SLF2: variants seen among roughly 807,000 people sequenced by gnomAD.
SLF2 encodes SMC5-SMC6 complex localization factor protein 2.
A neutral mutation model predicts 124.3 loss-of-function variants in SLF2; 68 were observed. The observed-to-expected ratio is 0.55, with a 90% CI of 0.45 to 0.67. SLF2 has a LOEUF of 0.67. Ranked by LOEUF, SLF2 falls within the 30% of genes least tolerant of loss-of-function variation. The probability of loss-of-function intolerance (pLI) is 0.00; values close to 1 mark genes in which losing one functional copy is unlikely to be tolerated. For missense variants in SLF2, 1,246 were observed against 1,373.7 expected (o/e 0.91, Z 1.47); for synonymous variants, 480 against 478.8 (o/e 1.00, Z -0.03).
intron 6 of SLF2, 119 bp downstream of exon 6, chr10:100,926,138 G>T (rs764970664): frequency 1.9e-6 from 3 of 1,572,296 alleles, no homozygotes; most frequent in Non-Finnish European, 2.6e-6. Flanking sequence ...GGACTCTGTT[G>T]TCAACTGTGT....
intron 19 of SLF2, among the ~76,000 whole-genome samples, chr10:100,959,808 A>G (rs1850396437): frequency 1.3e-5 from 2 of 152,186 alleles, no homozygotes; most frequent in African/African-American, 2.4e-5. Flanking sequence ...GATTTTACCC[A>G]CTTAACGTGT....
chr10:100,946,970 G>C (rs1850116266), intron 13 of SLF2, 69 bp from the exon 14 acceptor site: 3 of 1,200,458 alleles, frequency 2.5e-6, no homozygotes, highest in Non-Finnish European at 3.7e-6. Context: ...AAGGGTTGTA[G>C]ATGATCTGTT....
At position 100,917,026 on chromosome 10, in the gene SLF2, G is replaced by A. The variant is rs139059266; in HGVS notation, c.641G>A (p.Arg214Lys). ...GCTGACATCTTCAATAACAGCTCCA[G>A]AAGCCTTAGCAGCAGGAGCAGCCTG... The part of the protein sequence containing the change: ...AEADIFNNSS[R>K]SLSSRSSLSR... Residue 214 changes from arginine (R) to lysine (K), a missense_variant, in exon 3 of 20, where the codon AGA becomes AAA. Around this residue, in one of 3 missense-constraint regions of SLF2, gnomAD observed 698 missense variants for 708.9 expected, o/e 0.98. Coordinates refer to ENST00000238961, the MANE Select transcript of SLF2 (RefSeq NM_018121.4). 7.2e-4 allele frequency: 1,160 copies of A among 1,614,064 alleles called. 1 individual carries two copies. Among genetic ancestry groups the A allele is most frequent in the Non-Finnish European group, 9.3e-4 (1,093 of 1,180,050 alleles).
chr10:100,948,480 T>C (rs967610813), intron 15 of SLF2, among the ~76,000 whole-genome samples: 1 of 152,004 alleles, frequency 6.6e-6, no homozygotes, highest in African/African-American at 2.4e-5. Flanking sequence ...TATATATGAA[T>C]GTTTTTAATT....
At position 100,961,992 on chromosome 10, in the gene SLF2, A is replaced by G; in HGVS notation, c.*80A>G. 1.5e-6 allele frequency: 2 copies of G among 1,300,408 alleles called. No homozygotes were observed. The highest frequency in any genetic ancestry group is 2.1e-6 in the Non-Finnish European group (2 of 930,758). 80.6% of individuals were successfully genotyped at this position (1,300,408 alleles called of 1,614,324 possible). A position where few individuals can be genotyped will look rare whatever the true frequency, so the allele number is the denominator to read the frequency against. ...ATAGAGGAGTAGAAAGGATTATTACAGAATCCAATGAATGCCAAGAAAATG... is the reference window on the plus strand; with the variant it reads ...ATAGAGGAGTAGAAAGGATTATTACGGAATCCAATGAATGCCAAGAAAATG... On this transcript the variant is annotated 3_prime_UTR_variant, in exon 20 of 20. Coordinates refer to ENST00000238961, the MANE Select transcript of SLF2 (RefSeq NM_018121.4).
Position 100,937,472 on chromosome 10 carries a change from G to A in SLF2, c.2507G>A (p.Arg836Lys), listed in dbSNP as rs1466579434. Residue 836 changes from arginine (R) to lysine (K), a missense_variant, in exon 10 of 20, where the codon AGA becomes AAA. By Grantham distance (26) the Arg-to-Lys change is conservative. Coordinates refer to ENST00000238961, the MANE Select transcript of SLF2 (RefSeq NM_018121.4). Reference protein sequence around the residue: ...ILSTLMEITIRNDTFSDSPVW... With the variant: ...ILSTLMEITIKNDTFSDSPVW... ...AGTACATTGATGGAAATAACAATTA[G>A]AAATGGTAAGTATATCAACTTATTA... The A allele has an allele frequency of 1.9e-6, 3 of 1,571,222 alleles. No homozygotes were observed. Among genetic ancestry groups the A allele is most frequent in the Non-Finnish European group, 2.6e-6 (3 of 1,141,250 alleles).
At chr10:100,928,675 C>T (rs1456217547) in intron 6 of SLF2, among the ~76,000 whole-genome samples, 1 of 152,178 alleles carries the variant, frequency 6.6e-6, no homozygotes, top group Non-Finnish European at 1.5e-5. Flanking sequence ...ATGAATCCCA[C>T]ATCCTTGCAT....
intron 17 of SLF2, 44 bp downstream of exon 17, chr10:100,950,797 T>C (rs746446053): frequency 6.2e-6 from 9 of 1,442,386 alleles, no homozygotes; most frequent in Non-Finnish European, 8.8e-6. Context: ...TAAATAGGTG[T>C]TACTGATGAT....
chr10:100,936,251 G>A lies in SLF2; in HGVS notation c.2437-1151G>A, dbSNP rs574537722. Among the ~76,000 whole-genome samples the A allele has an allele frequency of 3.9e-5, 6 of 151,926 alleles. No homozygotes were observed. In the South Asian group the frequency reaches 1.0e-3, roughly 26 times the overall value. ...GTATTCTTATGAATACTAGAAAATC[G>A]ATAATACTAGGGTATTATCGATATT... On this transcript the variant is annotated intron_variant, in intron 9 of 19. Transcript: ENST00000238961.
chr10:100,951,725 C>T (rs955127886), intron 17 of SLF2, among the ~76,000 whole-genome samples: 3 of 152,204 alleles, frequency 2.0e-5, no homozygotes, highest in Non-Finnish European at 4.4e-5. Context: ...GCCATACAGC[C>T]AGCTTTTAGC....
At chr10:100,942,454 A>AT (rs1849999187) in intron 11 of SLF2, among the ~76,000 whole-genome samples, 1 of 152,182 alleles carries the variant, frequency 6.6e-6, no homozygotes, top group African/African-American at 2.4e-5. Context: ...ATGGGAGTGC[A>AT]TAGAACTTCC....
At position 100,963,492 on chromosome 10, in the gene SLF2, T is replaced by C. The variant is rs140503584; in HGVS notation, c.*1580T>C. 1.1e-3 allele frequency: 161 copies of C among 152,766 alleles called. No individual in the cohort carries two copies. The highest frequency in any genetic ancestry group is 6.8e-3 in the Middle Eastern group (2 of 294). The allele number at this position is 152,766 out of a possible 1,614,324, so 9.5% of individuals were successfully genotyped here. The stretch of plus-strand genomic sequence containing the variant: ...TGATACTACCTCTCAAGGGTATTGT[T>C]ACAAAATGCCACTTATGGTTAAAGA... On this transcript the variant is annotated 3_prime_UTR_variant, in exon 20 of 20. Transcript: ENST00000238961.
At position 100,957,589 on chromosome 10, in the gene SLF2, G is replaced by A. The variant is rs1850357625; in HGVS notation, c.3417+1052G>A. 3.3e-5 allele frequency among the ~76,000 whole-genome samples: 5 copies of A among 149,730 alleles called. No individual in the cohort carries two copies. The South Asian group carries it at 1.1e-3, about 32-fold the overall frequency. ...TTGTCCAGGCTAGTCTCGAACTCCT[G>A]ACCTCGTGATCTGCCTGCCTCGGCA... On this transcript the variant is annotated intron_variant, in intron 18 of 19. Transcript: ENST00000238961.
At position 100,929,357 on chromosome 10, in the gene SLF2, C is replaced by G; in HGVS notation, c.2083C>G (p.Gln695Glu). ...GAAGCAACTACAAGAAGACATAAGG[C>G]AAGGCCGAGGCATTAAATCCCCAAT... ...LQKQLQEDIRQGRGIKSPIRI... is the reference protein window; with the variant it reads ...LQKQLQEDIREGRGIKSPIRI... The change falls in exon 7 of 20, where the codon CAA (glutamine) becomes GAA (glutamate). Residue 695 changes from glutamine (Q) to glutamate (E), a missense_variant. Around this residue, in one of 3 missense-constraint regions of SLF2, gnomAD observed 535 missense variants for 632.8 expected, o/e 0.85. Coordinates refer to ENST00000238961, the MANE Select transcript of SLF2 (RefSeq NM_018121.4). 1 of 1,613,120 alleles carries G rather than the reference C, an allele frequency of 6.2e-7. No homozygotes were observed. The highest frequency in any genetic ancestry group is 8.5e-7 in the Non-Finnish European group (1 of 1,179,342).
At chr10:100,928,904 T>C (rs1449070886) in intron 6 of SLF2, among the ~76,000 whole-genome samples, 1 of 152,214 alleles carries the variant, frequency 6.6e-6, no homozygotes, top group African/African-American at 2.4e-5. Context: ...AGTTAACTTA[T>C]CAGGTTGTTG....
At chr10:100,921,652 T>C (rs1307476106) in intron 4 of SLF2, among the ~76,000 whole-genome samples, 1 of 152,176 alleles carries the variant, frequency 6.6e-6, no homozygotes, top group East Asian at 1.9e-4. Context: ...CCACAAACAG[T>C]GTTTGTCTCC....
rs776846510 is a variant in SLF2, at chr10:100,964,802, TAAAC to T, written c.*2893_*2896del. ...ATGAAAATTTTAAGAGGTAGCCCAT[TAAAC>T]AAGCTACTGAGTTGGAGAATTAGGG... is the stretch of plus-strand genomic sequence containing the variant. On this transcript the variant is annotated 3_prime_UTR_variant, in exon 20 of 20. Transcript: ENST00000238961. 1 of 152,190 alleles carries T rather than the reference TAAAC, an allele frequency of 6.6e-6. No homozygotes were observed. The highest frequency in any genetic ancestry group is 1.5e-5 in the Non-Finnish European group (1 of 68,030). 9.4% of individuals were successfully genotyped at this position (152,190 alleles called of 1,614,324 possible).
intron 11 of SLF2, among the ~76,000 whole-genome samples, chr10:100,940,449 T>G (rs1849947839): frequency 6.6e-6 from 1 of 152,084 alleles, no homozygotes; most frequent in South Asian, 2.1e-4. Context: ...AACCTCCACC[T>G]CCCAGCCTCA....
intron 4 of SLF2, among the ~76,000 whole-genome samples, chr10:100,920,917 C>G (rs932285553): frequency 7.9e-5 from 12 of 152,084 alleles, no homozygotes; most frequent in Non-Finnish European, 1.8e-4. Flanking sequence ...CCACTGCACT[C>G]CAGCCTGGGT....
Sources: allele counts gnomAD v4.1 joint callset (sites outside exome capture counted in the v4.1 genomes callset), GRCh38; gene constraint gnomAD v4.1.1; regional missense constraint gnomAD v4.1.1; transcripts MANE v1.5; gene names NCBI Gene and HGNC (gene_info 2026-07-23, HGNC 2026-07-21).